The following WIPF1 variants were observed in gnomAD, a reference collection of about 807,000 sequenced individuals.
The protein encoded by WIPF1 is WAS/WASL interacting protein family member 1.
WIPF1 carries 13 observed loss-of-function variants against 35.4 expected under a neutral mutation model. That is an observed-to-expected ratio of 0.37 (90% CI 0.24 to 0.58). The LOEUF is 0.58. Among genes scored for constraint, WIPF1 ranks in the 20% least tolerant of loss-of-function variants. WIPF1 has a pLI of 0.74. For missense variants in WIPF1, 591 were observed against 667.0 expected (o/e 0.89, Z 1.25); for synonymous variants, 267 against 266.3 (o/e 1.00, Z -0.02).
chr2:174,584,191 C>T (rs1057461379), intron 2 of WIPF1, among the ~76,000 whole-genome samples: 1 of 152,136 alleles, frequency 6.6e-6, no homozygotes, highest in Admixed American at 6.5e-5. Flanking sequence ...AAAAAAGACA[C>T]ACAACATCCA....
intron 1 of WIPF1, among the ~76,000 whole-genome samples, chr2:174,649,060 C>T (rs1251081845): frequency 1.3e-5 from 2 of 152,114 alleles, no homozygotes; most frequent in Admixed American, 6.6e-5. Context: ...GGCCATTTCC[C>T]CCACCACTCC....
intron 1 of WIPF1, among the ~76,000 whole-genome samples, chr2:174,635,806 G>A (rs185482031): frequency 3.9e-5 from 6 of 152,044 alleles, no homozygotes; most frequent in African/African-American, 1.2e-4. Flanking sequence ...TCCAAGTCTT[G>A]AAAATATTAC....
chr2:174,680,727 C>T (rs1443703568), intron 1 of WIPF1, among the ~76,000 whole-genome samples: 1 of 152,160 alleles, frequency 6.6e-6, no homozygotes, highest in Non-Finnish European at 1.5e-5. Flanking sequence ...TGTACAAGGT[C>T]AGGGCATACT....
Position 174,562,496 on chromosome 2 carries a change from G to A in WIPF1, c.*51C>T. On this transcript the variant is annotated 3_prime_UTR_variant, in exon 8 of 8. Coordinates refer to ENST00000679041, the MANE Select transcript of WIPF1 (RefSeq NM_001375834.1). ...CAGGGAGGAGGGTATGCAGTTCTTA[G>A]ATAGCAACAGAAGCAGCTCTTGAGC... 6.2e-7 allele frequency: 1 copy of A among 1,613,534 alleles called. No individual in the cohort carries two copies. The highest frequency in any genetic ancestry group is 1.3e-5 in the African/African-American group (1 of 75,046).
chr2:174,585,799 C>T (rs186824428), intron 1 of WIPF1, among the ~76,000 whole-genome samples, 188 bp from the exon 2 acceptor site: 1 of 152,252 alleles, frequency 6.6e-6, no homozygotes, highest in East Asian at 1.9e-4. Context: ...GCTTCTGACC[C>T]GAGGTGCTTG....
At chr2:174,682,181 C>CT (rs2106002271) in intron 1 of WIPF1, among the ~76,000 whole-genome samples, 1 of 152,378 alleles carries the variant, frequency 6.6e-6, no homozygotes, top group East Asian at 1.9e-4. Flanking sequence ...GGAGATGTCT[C>CT]TAAGGTCGAC....
intron 2 of WIPF1, 131 bp from the exon 3 acceptor site, chr2:174,581,570 C>T (rs1685243186): frequency 8.6e-7 from 1 of 1,160,864 alleles, no homozygotes; most frequent in African/African-American, 1.6e-5. Context: ...AAATTCTCGA[C>T]AAGTTTTAGA....
chr2:174,567,555 A>T (rs1684701217), intron 6 of WIPF1, among the ~76,000 whole-genome samples: 1 of 152,230 alleles, frequency 6.6e-6, no homozygotes, highest in Non-Finnish European at 1.5e-5. Flanking sequence ...AAATGTACAT[A>T]ATAAGAAGCT....
chr2:174,643,317 C>T (rs936561868), intron 1 of WIPF1, among the ~76,000 whole-genome samples: 1 of 149,468 alleles, frequency 6.7e-6, no homozygotes, highest in East Asian at 1.9e-4. Context: ...TTTTTGTCTA[C>T]TTGATGAAAT....
intron 3 of WIPF1, 52 bp downstream of exon 3, chr2:174,581,255 GATT>G: frequency 1.2e-6 from 2 of 1,600,354 alleles, no homozygotes; most frequent in Non-Finnish European, 1.7e-6. Flanking sequence ...GGGTAGGGTT[GATT>G]ATTAGGCCAT....
rs556309856 is a variant in WIPF1 at position 174,607,656 on chromosome 2, T to A, written c.-38-22045A>T. On this transcript the variant is annotated intron_variant, in intron 1 of 8. Transcript: ENST00000272746. ...TCTTTCCCTACCTTCTCCCCCCATCTCTTTGCCTTAGGGATTTTGTGCTTG... is the reference window on the plus strand; with the variant it reads ...TCTTTCCCTACCTTCTCCCCCCATCACTTTGCCTTAGGGATTTTGTGCTTG... 6.6e-5 allele frequency among the ~76,000 whole-genome samples: 10 copies of A among 152,092 alleles called. No individual in the cohort carries two copies. In the East Asian group the frequency reaches 1.4e-3, roughly 21 times the overall value.
chr2:174,660,834 T>C (rs1320638673), intron 1 of WIPF1, among the ~76,000 whole-genome samples: 1 of 152,172 alleles, frequency 6.6e-6, no homozygotes, highest in African/African-American at 2.4e-5. Flanking sequence ...TCTCACAGCA[T>C]TGTCAAGAGG....
intron 1 of WIPF1, among the ~76,000 whole-genome samples, chr2:174,648,559 G>A (rs1687465797): frequency 6.6e-6 from 1 of 152,144 alleles, no homozygotes; most frequent in South Asian, 2.1e-4. Context: ...GAATATTGCA[G>A]TAAGTTGATA....
intron 1 of WIPF1, among the ~76,000 whole-genome samples, chr2:174,609,173 G>C (rs114614623): frequency 6.6e-6 from 1 of 152,314 alleles, no homozygotes; most frequent in African/African-American, 2.4e-5. Context: ...GTACCACACT[G>C]TCTCACTCAG....
chr2:174,601,212 C>A (rs7603817), upstream of WIPF1, among the ~76,000 whole-genome samples: 9,597 of 152,188 alleles, frequency 0.063, 1,050 homozygotes, highest in African/African-American at 0.22. Flanking sequence ...TAGGTGTGAA[C>A]CACCACGCTG....
At chr2:174,643,944 T>C (rs764745283) in intron 1 of WIPF1, among the ~76,000 whole-genome samples, 43 of 152,232 alleles carry the variant, frequency 2.8e-4, no homozygotes, top group African/African-American at 5.8e-4. Context: ...TATTTTGCTA[T>C]ACATATGACT....
At position 174,581,310 on chromosome 2, in the gene WIPF1, T is replaced by C. The variant is rs1685234520; in HGVS notation, c.181A>G (p.Lys61Glu). 9 of 1,613,922 alleles carry C rather than the reference T, an allele frequency of 5.6e-6. No individual in the cohort carries two copies. The highest frequency in any genetic ancestry group is 7.6e-6 in the Non-Finnish European group (9 of 1,179,886). The change falls in exon 3 of 8, where the codon AAA (lysine) becomes GAA (glutamate). Residue 61 changes from lysine to glutamate, a missense_variant and splice_region_variant. By Grantham distance (56) the Lys-to-Glu change is moderately conservative. Coordinates refer to ENST00000679041, the MANE Select transcript of WIPF1 (RefSeq NM_001375834.1). ...TGGTAGATAGCCTTTTTTTACTTAC[T>C]GTCCAGTATTGGTGCACTTCTGTCA... is the stretch of plus-strand genomic sequence containing the variant. ...TNDRSAPILD[K>E]PKGAGAGGGG...
rs553802217 is a variant in WIPF1, at chr2:174,563,491, C to G, written c.1457-889G>C. Reference sequence around the variant, plus strand: ...GCTGTGGTGGGAGGATCACCTGAACCTGAGAGGTCGAGGCTGCAATGAGCC... The same window carrying G: ...GCTGTGGTGGGAGGATCACCTGAACGTGAGAGGTCGAGGCTGCAATGAGCC... On this transcript the variant is annotated intron_variant, in intron 7 of 7. Transcript: ENST00000679041. 5.9e-5 allele frequency among the ~76,000 whole-genome samples: 9 copies of G among 152,252 alleles called. No individual in the cohort carries two copies. In the South Asian group the frequency reaches 1.9e-3, roughly 32 times the overall value.
At chr2:174,634,672 C>G (rs1373004575) in intron 1 of WIPF1, 1 of 152,240 alleles carries the variant, frequency 6.6e-6, no homozygotes, top group Non-Finnish European at 1.5e-5. Flanking sequence ...GTGATAAGAT[C>G]AATTTGCTGC....
Sources: allele counts gnomAD v4.1 joint callset (sites outside exome capture counted in the v4.1 genomes callset), GRCh38; gene constraint gnomAD v4.1.1; transcripts MANE v1.5; gene names NCBI Gene and HGNC (gene_info 2026-07-23, HGNC 2026-07-21).